The following HPSE2 variants were observed in gnomAD, a reference collection of about 807,000 sequenced individuals.
The protein encoded by HPSE2 is heparanase 2 (inactive).
Under a neutral mutation model 60.5 loss-of-function variants are expected in HPSE2, and 38 were observed. That is an observed-to-expected ratio of 0.63 (90% CI 0.48 to 0.82). HPSE2 has a LOEUF of 0.82. HPSE2 is among the 40% of genes least tolerant of loss of function. The pLI is 0.00. For missense variants in HPSE2, 713 were observed against 740.4 expected (o/e 0.96, Z 0.43); for synonymous variants, 295 against 293.2 (o/e 1.01, Z -0.06).
chr10:98,592,299 C>T (rs1945112323), intron 9 of HPSE2, among the ~76,000 whole-genome samples: 1 of 152,216 alleles, frequency 6.6e-6, no homozygotes, highest in Non-Finnish European at 1.5e-5. Flanking sequence ...GGCCTTTCCT[C>T]TTGCATCCTC....
chr10:98,800,408 A>G (rs945549489), intron 3 of HPSE2, among the ~76,000 whole-genome samples: 5 of 147,848 alleles, frequency 3.4e-5, no homozygotes, highest in African/African-American at 1.2e-4. Flanking sequence ...ATATATTTAT[A>G]TCTATATAAA....
intron 2 of HPSE2, among the ~76,000 whole-genome samples, chr10:99,201,441 A>T (rs564206771): frequency 6.6e-6 from 1 of 152,242 alleles, no homozygotes; most frequent in Non-Finnish European, 1.5e-5. Flanking sequence ...TATCACACAT[A>T]ATTTTCTTAG....
At chr10:99,155,691 G>C (rs1190123861) in intron 2 of HPSE2, among the ~76,000 whole-genome samples, 2 of 150,496 alleles carry the variant, frequency 1.3e-5, no homozygotes, top group Non-Finnish European at 3.0e-5. Flanking sequence ...ACAATTAAAA[G>C]AACTAGAAAC....
chr10:98,797,790 G>A (rs538754411), intron 3 of HPSE2, among the ~76,000 whole-genome samples: 4 of 152,154 alleles, frequency 2.6e-5, no homozygotes, highest in Non-Finnish European at 5.9e-5. Flanking sequence ...GTTGCGGTGA[G>A]CCGAGATCAC....
chr10:98,502,865 T>C (rs1384260310), intron 9 of HPSE2, among the ~76,000 whole-genome samples: 2 of 152,030 alleles, frequency 1.3e-5, no homozygotes, highest in East Asian at 3.9e-4. Flanking sequence ...GCTAAGGACA[T>C]GAATAGACAA....
Position 98,578,289 on chromosome 10 carries a change from C to T in HPSE2, c.1320+36615G>A, listed in dbSNP as rs76884617. Among the ~76,000 whole-genome samples the T allele has an allele frequency of 2.4e-3, 369 of 152,276 alleles. 1 individual carries two copies. Among genetic ancestry groups the T allele is most frequent in the African/African-American group, 8.4e-3 (348 of 41,548 alleles). On this transcript the variant is annotated intron_variant, in intron 9 of 11. Coordinates refer to ENST00000370552, the MANE Select transcript of HPSE2 (RefSeq NM_021828.5). ...TGTCCCATGGGAACTGAAAATTCATCAAATTTTCCATTGGAGATGGCCCAG... is the reference window on the plus strand; with the variant it reads ...TGTCCCATGGGAACTGAAAATTCATTAAATTTTCCATTGGAGATGGCCCAG...
chr10:98,512,509 C>T (rs527473305), intron 9 of HPSE2, among the ~76,000 whole-genome samples: 10 of 151,156 alleles, frequency 6.6e-5, no homozygotes, highest in African/African-American at 1.7e-4. Flanking sequence ...GGCATGAACC[C>T]GGGAGGCGGA....
At chr10:98,518,622 G>T (rs779340031) in intron 9 of HPSE2, among the ~76,000 whole-genome samples, 8 of 151,606 alleles carry the variant, frequency 5.3e-5, no homozygotes, top group Admixed American at 3.3e-4. Flanking sequence ...CAGGAGAATC[G>T]CTTGAACCCA....
chr10:98,619,321 C>T, intron 8 of HPSE2, among the ~76,000 whole-genome samples: 1 of 152,222 alleles, frequency 6.6e-6, no homozygotes, highest in East Asian at 1.9e-4. Flanking sequence ...GTCCCTGCCA[C>T]ATGACACTGG....
At chr10:98,752,471 A>G (rs1949781095) in intron 3 of HPSE2, among the ~76,000 whole-genome samples, 1 of 152,216 alleles carries the variant, frequency 6.6e-6, no homozygotes, top group Non-Finnish European at 1.5e-5. Context: ...AATGACATTT[A>G]TATCATCATA....
At chr10:98,577,911 A>C (rs1004204151) in intron 9 of HPSE2, among the ~76,000 whole-genome samples, 3 of 152,168 alleles carry the variant, frequency 2.0e-5, no homozygotes, top group African/African-American at 7.2e-5. Flanking sequence ...TTTGCATCCT[A>C]GGGTTAAGAA....
the HPSE2 span, among the ~76,000 whole-genome samples, chr10:99,276,025 T>G: frequency 5.3e-5 from 8 of 152,252 alleles, no homozygotes; most frequent in Non-Finnish European, 8.8e-5. Flanking sequence ...AAATTTGGTT[T>G]TATTAGTAAT....
rs148434823 is a variant in HPSE2, at chr10:99,002,823, T to C, written c.610+141415A>G. 1.3e-3 allele frequency among the ~76,000 whole-genome samples: 195 copies of C among 152,244 alleles called. 1 individual carries two copies. Among genetic ancestry groups the C allele is most frequent in the Admixed American group, 0.012 (178 of 15,282 alleles). On this transcript the variant is annotated intron_variant, in intron 3 of 11. Transcript: ENST00000370552. ...ATACAAAATAATGTTTTGAAATATG[T>C]ATACATGGTGGAATGGATCAACTAA... is the stretch of plus-strand genomic sequence containing the variant.
At chr10:98,488,779 T>G (rs1469803705) in intron 10 of HPSE2, among the ~76,000 whole-genome samples, 2 of 152,160 alleles carry the variant, frequency 1.3e-5, no homozygotes, top group African/African-American at 4.8e-5. Context: ...CATAAAGCAG[T>G]CACTCTCTGT....
At chr10:98,847,893 C>T (rs2134719634) in intron 3 of HPSE2, among the ~76,000 whole-genome samples, 1 of 152,254 alleles carries the variant, frequency 6.6e-6, no homozygotes, top group Middle Eastern at 3.4e-3. Flanking sequence ...CTTAAGTTTC[C>T]CACAAGAAAT....
intron 10 of HPSE2, among the ~76,000 whole-genome samples, chr10:98,487,911 G>C (rs989318610): frequency 6.6e-6 from 1 of 152,214 alleles, no homozygotes; most frequent in African/African-American, 2.4e-5. Flanking sequence ...TGTTGACATG[G>C]AGGAGCCCTG....
chr10:98,967,826 A>C (rs1445873031), intron 3 of HPSE2, among the ~76,000 whole-genome samples: 1 of 152,188 alleles, frequency 6.6e-6, no homozygotes, highest in Admixed American at 6.6e-5. Flanking sequence ...GCCCAGAAAC[A>C]ACCCAATTAT....
chr10:98,788,682 T>C (rs1950586753), intron 3 of HPSE2, among the ~76,000 whole-genome samples: 1 of 151,992 alleles, frequency 6.6e-6, no homozygotes, highest in East Asian at 1.9e-4. Flanking sequence ...AAAAGCGCAA[T>C]ATTTGGGTGG....
At chr10:98,548,360 T>C (rs575641032) in intron 9 of HPSE2, among the ~76,000 whole-genome samples, 2 of 152,320 alleles carry the variant, frequency 1.3e-5, no homozygotes, top group East Asian at 3.9e-4. Flanking sequence ...CTCACGCCTG[T>C]AATCCCAGCA....
Sources: allele counts gnomAD v4.1 joint callset (sites outside exome capture counted in the v4.1 genomes callset), GRCh38; gene constraint gnomAD v4.1.1; transcripts MANE v1.5; gene names NCBI Gene and HGNC (gene_info 2026-07-23, HGNC 2026-07-21).